MAP7D2: variants seen among roughly 807,000 people sequenced by gnomAD.
The protein encoded by MAP7D2 is MAP7 domain-containing protein 2.
MAP7D2 carries 33 observed loss-of-function variants against 63.5 expected under a neutral mutation model. The ratio of observed to expected loss-of-function variants is 0.52; its 90% CI spans 0.39 to 0.70. The LOEUF (loss-of-function observed/expected upper bound fraction) is 0.70. Among genes scored for constraint, MAP7D2 ranks in the 30% least tolerant of loss-of-function variants. The probability of loss-of-function intolerance (pLI) is 0.00; values close to 1 mark genes in which losing one functional copy is unlikely to be tolerated. For synonymous variants in MAP7D2, 224 were observed against 223.7 expected (o/e 1.00, Z -0.01); for missense variants, 626 against 604.0 (o/e 1.04, Z -0.38).
chrX:20,094,572 A>G (rs12557924), intron 1 of MAP7D2, among the ~76,000 whole-genome samples: 9 of 42,975 alleles, frequency 2.1e-4, no homozygotes, highest in East Asian at 1.6e-3. Context: ...ATATATACAT[A>G]TATATGTATA....
intron 8 of MAP7D2, among the ~76,000 whole-genome samples, chrX:20,026,760 C>T (rs1364532979): frequency 1.8e-5 from 2 of 111,852 alleles, no homozygotes; most frequent in African/African-American, 6.5e-5. Flanking sequence ...CTAGGCTGGG[C>T]TCCTGGTGAG....
intron 1 of MAP7D2, among the ~76,000 whole-genome samples, chrX:20,101,419 A>C (rs1211504531): frequency 1.8e-5 from 2 of 112,339 alleles, no homozygotes; most frequent in Non-Finnish European, 3.8e-5. Context: ...GAAACAAGCT[A>C]ACTGTGAAAA....
chrX:20,093,010 T>G (rs2066110348), intron 1 of MAP7D2, among the ~76,000 whole-genome samples: 1 of 111,968 alleles, frequency 8.9e-6, no homozygotes, highest in African/African-American at 3.3e-5. Context: ...GCTGTGTGAC[T>G]GATCAATCTG....
intron 1 of MAP7D2, 134 bp downstream of exon 1, chrX:20,116,616 G>A: frequency 2.0e-6 from 2 of 998,739 alleles, no homozygotes; most frequent in Admixed American, 5.3e-5. Context: ...CTGGGCCAGG[G>A]AAAGGGCGTT....
intron 1 of MAP7D2, among the ~76,000 whole-genome samples, chrX:20,098,722 C>A (rs1162126491): frequency 8.9e-6 from 1 of 112,289 alleles, no homozygotes; most frequent in Non-Finnish European, 1.9e-5. Context: ...GGACAGCTCA[C>A]CCCATATTCT....
At chrX:20,069,382 T>A in intron 1 of MAP7D2, among the ~76,000 whole-genome samples, 1 of 110,566 alleles carries the variant, frequency 9.0e-6, no homozygotes, top group Non-Finnish European at 1.9e-5. Flanking sequence ...AATTTTTTTA[T>A]TTTTCAGTAG....
chrX:20,066,553 T>G (rs1204229541), intron 1 of MAP7D2, among the ~76,000 whole-genome samples: 1 of 112,221 alleles, frequency 8.9e-6, no homozygotes, highest in Non-Finnish European at 1.9e-5. Context: ...TCTTAATCAT[T>G]ATGACACTAT....
Position 20,006,931 on chromosome X carries a change from C to T in MAP7D2, c.*1494G>A, listed in dbSNP as rs779915998. The T allele has an allele frequency of 1.8e-5, 2 of 112,251 alleles. No individual in the cohort carries two copies. The highest frequency in any genetic ancestry group is 5.6e-4 in the East Asian group (2 of 3,603). The allele number at this position is 112,251 out of a possible 1,213,427, so 9.3% of individuals were successfully genotyped here. A position where few individuals can be genotyped will look rare whatever the true frequency, so the allele number is the denominator to read the frequency against. Reference sequence around the variant, plus strand: ...TACATATCATGCAAATGAGGCATCACCATGGTCACAATGGTGCTGTGAGGT... The same window carrying T: ...TACATATCATGCAAATGAGGCATCATCATGGTCACAATGGTGCTGTGAGGT... On this transcript the variant is annotated 3_prime_UTR_variant, in exon 17 of 17. Coordinates refer to ENST00000379643, the MANE Select transcript of MAP7D2 (RefSeq NM_001168465.2).
intron 4 of MAP7D2, among the ~76,000 whole-genome samples, chrX:20,053,631 A>G (rs1197770112): frequency 9.0e-6 from 1 of 111,576 alleles, no homozygotes; most frequent in African/African-American, 3.3e-5. Flanking sequence ...CGTTCCAGTC[A>G]TTATTTCAGA....
Position 20,052,921 on chromosome X carries a change from G to T in MAP7D2, c.552C>A (p.Arg184=). The T allele has an allele frequency of 8.3e-7, 1 of 1,211,339 alleles. No individual in the cohort carries two copies. Among genetic ancestry groups the T allele is most frequent in the Non-Finnish European group, 1.1e-6 (1 of 894,805 alleles). Residue 184 remains arginine (R), a synonymous_variant, in exon 5 of 17, where the codon CGC becomes CGA. Coordinates refer to ENST00000379643, the MANE Select transcript of MAP7D2 (RefSeq NM_001168465.2). ...ATATTGCCACGGTGGATGAAGACAGGCGTTTATTCATGGGAGGCTCCGTTG... is the reference window on the plus strand; with the variant it reads ...ATATTGCCACGGTGGATGAAGACAGTCGTTTATTCATGGGAGGCTCCGTTG... ...PKPTEPPMNK[R]LSSSTVAISY...
At position 20,087,661 on chromosome X, in the gene MAP7D2, C is replaced by T. The variant is rs2065943507; in HGVS notation, c.131-22856G>A. Reference sequence around the variant, plus strand: ...AGAGCCTGTCTTGGCAATAAAACTTCACAAATCTAGCCTTATTTTCAGAAA... The same window carrying T: ...AGAGCCTGTCTTGGCAATAAAACTTTACAAATCTAGCCTTATTTTCAGAAA... On this transcript the variant is annotated intron_variant, in intron 1 of 16. Coordinates refer to ENST00000379643, the MANE Select transcript of MAP7D2 (RefSeq NM_001168465.2). Among the ~76,000 whole-genome samples, 4 of 111,849 alleles carry T rather than the reference C, an allele frequency of 3.6e-5. 1 individual carries two copies. The Admixed American group carries it at 3.8e-4, about 11-fold the overall frequency.
intron 1 of MAP7D2, among the ~76,000 whole-genome samples, chrX:20,108,143 G>A (rs1456197345): frequency 1.8e-5 from 2 of 110,988 alleles, no homozygotes; most frequent in Non-Finnish European, 3.8e-5. Flanking sequence ...TAACCCTGAT[G>A]GGCTGTGGGG....
intron 1 of MAP7D2, among the ~76,000 whole-genome samples, chrX:20,106,031 G>C (rs2066556985): frequency 8.9e-6 from 1 of 111,735 alleles, no homozygotes; most frequent in South Asian, 3.8e-4. Flanking sequence ...TACAGAGAGA[G>C]CAAATGGGGG....
At chrX:20,099,925 A>T (rs1179828365) in intron 1 of MAP7D2, among the ~76,000 whole-genome samples, 1 of 111,901 alleles carries the variant, frequency 8.9e-6, no homozygotes, top group Non-Finnish European at 1.9e-5. Context: ...GAAAGACAAC[A>T]GTGTGCAGAA....
intron 4 of MAP7D2, chrX:20,055,768 T>A: frequency 1.0e-6 from 1 of 998,415 alleles, no homozygotes; most frequent in South Asian, 1.9e-5. Context: ...CAGTGGTCCC[T>A]GCATCCGGAG....
chrX:20,057,215 T>A (rs2065089396), intron 3 of MAP7D2, among the ~76,000 whole-genome samples: 1 of 112,603 alleles, frequency 8.9e-6, no homozygotes, highest in African/African-American at 3.2e-5. Context: ...TAATTTGAGT[T>A]TTTGGGGTGA....
chrX:20,038,490 G>A (rs2064558463), intron 8 of MAP7D2, among the ~76,000 whole-genome samples: 1 of 111,561 alleles, frequency 9.0e-6, no homozygotes, highest in Non-Finnish European at 1.9e-5. Context: ...TTGCAAGGCT[G>A]GGGCAAAGTT....
chrX:20,059,514 A>G (rs940989331), intron 3 of MAP7D2, among the ~76,000 whole-genome samples: 1 of 110,719 alleles, frequency 9.0e-6, no homozygotes, highest in African/African-American at 3.3e-5. Flanking sequence ...CTGATGATCA[A>G]CAGAGGATGG....
rs748716288 is a variant in MAP7D2, at chrX:20,064,808, A to G, written c.131-3T>C. ...TGATTTCAAAAATCCCTCCATGCCT[A>G]CAAAGGAGAAAACTAGATTATGTTT... On this transcript the variant is annotated splice_polypyrimidine_tract_variant and splice_region_variant and intron_variant, in intron 1 of 16. Coordinates refer to ENST00000379643, the MANE Select transcript of MAP7D2 (RefSeq NM_001168465.2). The G allele has an allele frequency of 1.8e-5, 21 of 1,197,870 alleles. No individual in the cohort carries two copies.
Sources: gnomAD v4.1 joint callset for allele counts (sites outside exome capture counted in the v4.1 genomes callset) on GRCh38, gnomAD v4.1.1 for gene constraint, MANE v1.5 for transcripts, NCBI Gene and HGNC (gene_info 2026-07-23, HGNC 2026-07-21) for gene names.